PITRM1: variants seen among roughly 807,000 people sequenced by gnomAD.
The protein encoded by PITRM1 is pitrilysin metallopeptidase 1, also known as presequence protease, mitochondrial.
A neutral mutation model predicts 129.9 loss-of-function variants in PITRM1; 100 were observed. The observed-to-expected ratio is 0.77, with a 90% CI of 0.65 to 0.91. PITRM1 has a LOEUF of 0.91. Among genes scored for constraint, PITRM1 ranks in the 40% least tolerant of loss-of-function variants. The pLI, the probability that PITRM1 is intolerant of heterozygous loss-of-function variation, is 0.00. For synonymous variants in PITRM1, 591 were observed against 508.8 expected (o/e 1.16, Z -2.17); for missense variants, 1,471 against 1,318.3 (o/e 1.12, Z -1.79).
chr10:3,169,506 A>C (rs1048813011), intron 2 of PITRM1, among the ~76,000 whole-genome samples: 2 of 152,236 alleles, frequency 1.3e-5, no homozygotes, highest in African/African-American at 2.4e-5. Flanking sequence ...CGTTTGCTAT[A>C]ACATCAAGCA....
At chr10:3,154,652 T>G (rs1588678463) in intron 14 of PITRM1, among the ~76,000 whole-genome samples, 3 of 152,324 alleles carry the variant, frequency 2.0e-5, no homozygotes, top group Admixed American at 2.0e-4. Flanking sequence ...GTCAAAATCT[T>G]TTACCCATGT....
intron 7 of PITRM1, among the ~76,000 whole-genome samples, chr10:3,161,383 AAAAAGGTTAC>A (rs1842427873): frequency 6.6e-6 from 1 of 152,234 alleles, no homozygotes; most frequent in African/African-American, 2.4e-5. Context: ...CAACCAGAGG[AAAAAGGTTAC>A]AATGACAGAA....
intron 13 of PITRM1, among the ~76,000 whole-genome samples, chr10:3,156,017 T>A (rs1450205361): frequency 6.6e-6 from 1 of 152,234 alleles, no homozygotes; most frequent in Non-Finnish European, 1.5e-5. Flanking sequence ...ATATCAATAC[T>A]AAACATTTTC....
chr10:3,158,830 G>T, intron 10 of PITRM1, 84 bp downstream of exon 10: 1 of 1,260,692 alleles, frequency 7.9e-7, no homozygotes, highest in Non-Finnish European at 1.1e-6. Context: ...GTCAAGTGTG[G>T]GGCCGGGACA....
rs755898574 is a variant in PITRM1, at chr10:3,148,233, C to T, written c.1930G>A (p.Gly644Arg). 1.4e-5 allele frequency: 23 copies of T among 1,613,850 alleles called. 1 individual carries two copies. Among genetic ancestry groups the T allele is most frequent in the South Asian group, 5.5e-5 (5 of 91,080 alleles). Reference sequence around the variant, plus strand: ...ACGTGGGGAGAAGCACTCATCCCTCCGGTCTTCAATTCTATCTGCTGAGCC... The same window carrying T: ...ACGTGGGGAGAAGCACTCATCCCTCTGGTCTTCAATTCTATCTGCTGAGCC... ...EQAQQIELKT[G>R]GMSASPHVLP... The change falls in exon 17 of 27, where the codon GGA becomes AGA. Residue 644 changes from glycine (G) to arginine (R), a missense_variant. Transcript: ENST00000224949.
At chr10:3,172,834 C>CG, upstream of PITRM1, 5 of 1,494,066 alleles carry the variant, frequency 3.3e-6, no homozygotes, top group Non-Finnish European at 4.5e-6. Context: ...GGGCGCGGGG[C>CG]GGGGCTTGCC....
intron 4 of PITRM1, among the ~76,000 whole-genome samples, chr10:3,165,820 A>G (rs1842812744): frequency 6.6e-6 from 1 of 152,240 alleles, no homozygotes; most frequent in Non-Finnish European, 1.5e-5. Flanking sequence ...ATCTACAAAG[A>G]TGACCTCATT....
intron 6 of PITRM1, among the ~76,000 whole-genome samples, chr10:3,164,941 G>C (rs1387100776): frequency 6.6e-6 from 1 of 152,086 alleles, no homozygotes. Context: ...CCGTGTACTT[G>C]GGCAAGAATG....
chr10:3,141,000 A>T (rs998213568), intron 23 of PITRM1, among the ~76,000 whole-genome samples, 188 bp from the exon 24 acceptor site: 1 of 152,194 alleles, frequency 6.6e-6, no homozygotes, highest in African/African-American at 2.4e-5. Flanking sequence ...GGAGTGCATT[A>T]GTGCAATCAC....
At chr10:3,143,366 G>A (rs755185787) in intron 23 of PITRM1, 23 bp downstream of exon 23, 2 of 1,443,400 alleles carry the variant, frequency 1.4e-6, no homozygotes, top group South Asian at 1.1e-5. Context: ...AGGCCTGAGA[G>A]GTCCCGACCT....
chr10:3,157,995 G>A (rs1842113868), intron 11 of PITRM1, 45 bp downstream of exon 11: 1 of 1,200,964 alleles, frequency 8.3e-7, no homozygotes, highest in Non-Finnish European at 1.2e-6. Context: ...AAAGCACACA[G>A]GAATGAGGAA....
chr10:3,141,450 G>T (rs748002307), intron 23 of PITRM1: 30 of 221,694 alleles, frequency 1.4e-4, no homozygotes, highest in Non-Finnish European at 2.6e-4. Context: ...TTATTTAAAT[G>T]TCTCACATCA....
chr10:3,138,844 A>G (rs768391063), intron 25 of PITRM1, 60 bp downstream of exon 25: 77 of 1,564,296 alleles, frequency 4.9e-5, no homozygotes, highest in African/African-American at 8.1e-5. Flanking sequence ...GGAACTTGGA[A>G]AACAGCAACG....
At chr10:3,159,996 G>T in intron 8 of PITRM1, 60 bp from the exon 9 acceptor site, 1 of 1,312,448 alleles carries the variant, frequency 7.6e-7, no homozygotes, top group African/African-American at 1.4e-5. Context: ...AACTACTCTA[G>T]GTTATCTGGA....
Position 3,138,346 on chromosome 10 carries a change from C to T in PITRM1, c.2918-9G>A. On this transcript the variant is annotated splice_polypyrimidine_tract_variant and intron_variant, in intron 25 of 26. Transcript: ENST00000224949. ...CAAGAAGTGGTCCATTCCTAGAAGA[C>T]AATCCACAGGCACGATGGAGCCGCT... 7 of 1,601,556 alleles carry T rather than the reference C, an allele frequency of 4.4e-6. No individual in the cohort carries two copies. Among genetic ancestry groups the T allele is most frequent in the Non-Finnish European group, 6.0e-6 (7 of 1,168,824 alleles).
rs140002538 is a variant in PITRM1 at position 3,166,698 on chromosome 10, C to T, written c.266+238G>A. On this transcript the variant is annotated intron_variant, in intron 3 of 26. Coordinates refer to ENST00000224949, the MANE Select transcript of PITRM1 (RefSeq NM_014889.4). ...CTTGTCCAACCCGCAGCCTGCAGCC[C>T]GCATGCTCAGGATGGCTTGAAATGC... Among the ~76,000 whole-genome samples the T allele has an allele frequency of 1.5e-3, 224 of 152,250 alleles. 1 individual carries two copies. The highest frequency in any genetic ancestry group is 4.7e-3 in the African/African-American group (197 of 41,554).
At position 3,153,641 on chromosome 10, in the gene PITRM1, CA is replaced by C. The variant is rs113258036; in HGVS notation, c.1621+1949del. Among the ~76,000 whole-genome samples, 784 of 150,266 alleles carry C rather than the reference CA, an allele frequency of 5.2e-3. 6 individuals carry two copies. The highest frequency in any genetic ancestry group is 0.017 in the African/African-American group (686 of 40,958). On this transcript the variant is annotated intron_variant, in intron 14 of 26. Transcript: ENST00000224949. Reference sequence around the variant, plus strand: ...CTCAAAAAAAAAACCAAAAAAACAACAAAAAAAAACCAGTTGTCTCTAAACA... The same window carrying C: ...CTCAAAAAAAAAACCAAAAAAACAACAAAAAAAACCAGTTGTCTCTAAACA...
intron 13 of PITRM1, 110 bp downstream of exon 13, chr10:3,156,820 C>T (rs888467866): frequency 8.4e-5 from 53 of 628,552 alleles, no homozygotes; most frequent in South Asian, 2.5e-4. Context: ...GAAATTAAGT[C>T]ACCCATTAAC....
chr10:3,148,113 T>C, intron 17 of PITRM1, 50 bp from the exon 18 acceptor site: 1 of 1,613,776 alleles, frequency 6.2e-7, no homozygotes, highest in Non-Finnish European at 8.5e-7. Context: ...AATCGAACAG[T>C]GACAGACACT....
Sources: gnomAD v4.1 joint callset for allele counts (sites outside exome capture counted in the v4.1 genomes callset) on GRCh38, gnomAD v4.1.1 for gene constraint, MANE v1.5 for transcripts, NCBI Gene and HGNC (gene_info 2026-07-23, HGNC 2026-07-21) for gene names.